Variants in FNIP2 observed in about 807,000 individuals in gnomAD.
FNIP2 encodes the protein folliculin-interacting protein 2.
In FNIP2, 32 loss-of-function variants were observed where a neutral mutation model predicts 108.7. The observed-to-expected ratio is 0.29, with a 90% CI of 0.22 to 0.40. The LOEUF is 0.40. Ranked by LOEUF, FNIP2 falls within the 10% of genes least tolerant of loss-of-function variation. The pLI is 1.00. For synonymous variants in FNIP2, 480 were observed against 496.7 expected (o/e 0.97, Z 0.45); for missense variants, 1,202 against 1,381.6 (o/e 0.87, Z 2.06).
At chr4:158,800,967 T>C (rs1201041100) in intron 1 of FNIP2, among the ~76,000 whole-genome samples, 12 of 152,228 alleles carry the variant, frequency 7.9e-5, no homozygotes, top group Admixed American at 7.2e-4. Context: ...TAGATTATAA[T>C]TAGGAACTGC....
chr4:158,807,981 T>C (rs1777062724), intron 1 of FNIP2, among the ~76,000 whole-genome samples: 1 of 152,202 alleles, frequency 6.6e-6, no homozygotes, highest in African/African-American at 2.4e-5. Context: ...AGCTGAGTGA[T>C]AGGAGAGAGT....
intron 14 of FNIP2, among the ~76,000 whole-genome samples, chr4:158,876,955 C>T (rs538319528): frequency 3.3e-5 from 5 of 152,292 alleles, no homozygotes; most frequent in Admixed American, 3.3e-4. Context: ...TCTCTTGCAT[C>T]GTGTCAGAGT....
Position 158,826,142 on chromosome 4 carries a change from AT to A in FNIP2, c.234+101del, listed in dbSNP as rs528612930. 1.8e-4 allele frequency: 256 copies of A among 1,427,374 alleles called. 3 individuals are homozygous for A. In the South Asian group the frequency reaches 2.0e-3, roughly 11 times the overall value. 88.4% of individuals were successfully genotyped at this position (1,427,374 alleles called of 1,614,324 possible). ...TATCATCTTCTCTTTGAGTTATATT[AT>A]ACAGTGCCATTAATGGTTCAGAAGA... On this transcript the variant is annotated intron_variant, in intron 2 of 16. Transcript: ENST00000264433.
At chr4:158,838,667 C>G (rs1254484697) in intron 7 of FNIP2, among the ~76,000 whole-genome samples, 4 of 152,138 alleles carry the variant, frequency 2.6e-5, no homozygotes, top group Non-Finnish European at 5.9e-5. Flanking sequence ...TCAGTTTACC[C>G]TATTATTAAC....
At chr4:158,829,833 T>C (rs2126578630) in intron 3 of FNIP2, among the ~76,000 whole-genome samples, 1 of 152,204 alleles carries the variant, frequency 6.6e-6, no homozygotes, top group Middle Eastern at 3.4e-3. Flanking sequence ...GAATATTAAT[T>C]GATGGAGGAT....
chr4:158,852,367 C>T (rs1211675346), intron 8 of FNIP2, among the ~76,000 whole-genome samples: 1 of 152,188 alleles, frequency 6.6e-6, no homozygotes, highest in African/African-American at 2.4e-5. Context: ...CTTTCACAAT[C>T]CTAGGGAGCT....
intron 14 of FNIP2, among the ~76,000 whole-genome samples, chr4:158,886,326 C>G (rs1272226334): frequency 6.6e-6 from 1 of 152,226 alleles, no homozygotes; most frequent in East Asian, 1.9e-4. Context: ...TGGAGACTGG[C>G]TGTCCACCTT....
chr4:158,792,763 G>C (rs1560757350), intron 1 of FNIP2, among the ~76,000 whole-genome samples: 2 of 152,174 alleles, frequency 1.3e-5, no homozygotes, highest in African/African-American at 4.8e-5. Context: ...TTCACAGAAT[G>C]AGAATGGGCT....
chr4:158,881,732 C>T (rs564768317), intron 14 of FNIP2, among the ~76,000 whole-genome samples: 12 of 151,502 alleles, frequency 7.9e-5, no homozygotes, highest in East Asian at 5.8e-4. Context: ...GGATTGCAGA[C>T]GGAGTCTCGT....
chr4:158,800,539 T>C (rs1318725597), intron 1 of FNIP2, among the ~76,000 whole-genome samples: 2 of 152,180 alleles, frequency 1.3e-5, no homozygotes, highest in East Asian at 3.8e-4. Context: ...ATTAAGGAAA[T>C]CAAGTGATCA....
At chr4:158,863,995 T>A (rs1780439601) in intron 12 of FNIP2, among the ~76,000 whole-genome samples, 1 of 152,230 alleles carries the variant, frequency 6.6e-6, no homozygotes, top group Non-Finnish European at 1.5e-5. Context: ...CAATTTTTTT[T>A]TAGTTCTCAC....
chr4:158,829,337 A>G (rs1394507835), intron 3 of FNIP2, 112 bp downstream of exon 3: 8 of 903,322 alleles, frequency 8.9e-6, no homozygotes, highest in Admixed American at 3.3e-5. Flanking sequence ...TATGAGGACA[A>G]GTATTCAACA....
chr4:158,903,678 A>G (rs1053796028), intron 16 of FNIP2, among the ~76,000 whole-genome samples: 2 of 152,170 alleles, frequency 1.3e-5, no homozygotes, highest in Non-Finnish European at 2.9e-5. Context: ...CTGAAATCAG[A>G]TCTGTATGTA....
At chr4:158,853,355 C>G (rs528923488) in intron 8 of FNIP2, among the ~76,000 whole-genome samples, 1 of 152,142 alleles carries the variant, frequency 6.6e-6, no homozygotes, top group Non-Finnish European at 1.5e-5. Context: ...GCTTTATGGA[C>G]TATGACAACA....
intron 14 of FNIP2, among the ~76,000 whole-genome samples, chr4:158,874,829 A>G (rs1781166548): frequency 6.6e-6 from 1 of 152,058 alleles, no homozygotes; most frequent in Admixed American, 6.6e-5. Context: ...CTGTGATCCC[A>G]GCACTTTGGG....
intron 7 of FNIP2, among the ~76,000 whole-genome samples, chr4:158,842,366 A>G (rs534237848): frequency 3.5e-4 from 54 of 152,244 alleles, no homozygotes; most frequent in Non-Finnish European, 7.2e-4. Context: ...GGAGCGATAC[A>G]TCAAATTCTG....
chr4:158,888,999 G>A (rs1782156179), intron 14 of FNIP2, among the ~76,000 whole-genome samples: 2 of 152,090 alleles, frequency 1.3e-5, no homozygotes, highest in Non-Finnish European at 2.9e-5. Flanking sequence ...AGACCAGCCT[G>A]GGCAACATAG....
At chr4:158,788,018 T>C (rs553517486) in intron 1 of FNIP2, among the ~76,000 whole-genome samples, 8 of 152,346 alleles carry the variant, frequency 5.3e-5, no homozygotes, top group African/African-American at 9.6e-5. Flanking sequence ...GGGCTTGGAA[T>C]TGGACTTCAG....
chr4:158,901,754 G>A (rs543209468), intron 16 of FNIP2, among the ~76,000 whole-genome samples: 1 of 151,514 alleles, frequency 6.6e-6, no homozygotes, highest in South Asian at 2.1e-4. Flanking sequence ...ATCTCTGATA[G>A]CCTTTCTTCT....
Sources: allele counts gnomAD v4.1 joint callset (sites outside exome capture counted in the v4.1 genomes callset), GRCh38; gene constraint gnomAD v4.1.1; transcripts MANE v1.5; gene names NCBI Gene and HGNC (gene_info 2026-07-23, HGNC 2026-07-21).